The following ZNF622 variants were observed in gnomAD, a reference collection of about 807,000 sequenced individuals.
The protein encoded by ZNF622 is cytoplasmic 60S subunit biogenesis factor ZNF622.
ZNF622 carries 34 observed loss-of-function variants against 49.7 expected under a neutral mutation model. The observed-to-expected ratio is 0.68, with a 90% confidence interval of 0.52 to 0.91. The LOEUF is 0.91. Ranked by LOEUF, ZNF622 falls within the 40% of genes least tolerant of loss-of-function variation. ZNF622 has a pLI of 0.00. For synonymous variants in ZNF622, 209 were observed against 228.7 expected (o/e 0.91, Z 0.78); for missense variants, 569 against 616.4 (o/e 0.92, Z 0.81).
intron 3 of ZNF622, among the ~76,000 whole-genome samples, chr5:16,459,293 T>C (rs942465970): frequency 6.6e-6 from 1 of 151,920 alleles, no homozygotes; most frequent in Non-Finnish European, 1.5e-5. Context: ...AATAAGAAAA[T>C]AGACAAAATG....
chr5:16,451,756 C>T lies in ZNF622; in HGVS notation c.1335G>A (p.Met445Ile). Residue 445 changes from methionine to isoleucine, a missense_variant, in exon 6 of 6, where the codon ATG (methionine) becomes ATA (isoleucine). Coordinates refer to ENST00000308683, the MANE Select transcript of ZNF622 (RefSeq NM_033414.3). Reference protein sequence around the residue: ...TGAALMRERDMQYVQRMKSKW... With the variant: ...TGAALMRERDIQYVQRMKSKW... ...TTGATTTCATCCTTTGGACATACTG[C>T]ATGTCTCGCTCTCGCATAAGAGCCG... 1.2e-6 allele frequency: 2 copies of T among 1,613,996 alleles called. No individual in the cohort carries two copies. Among genetic ancestry groups the T allele is most frequent in the Non-Finnish European group, 1.7e-6 (2 of 1,179,978 alleles).
At position 16,463,309 on chromosome 5, in the gene ZNF622, T is replaced by C. The variant is rs1192101079; in HGVS notation, c.887-39A>G. Reference sequence around the variant, plus strand: ...TTAAGGAAAAAATATGAAAAAAGCTTTTTGCAACCAGATTAAATCTCACTA... The same window carrying C: ...TTAAGGAAAAAATATGAAAAAAGCTCTTTGCAACCAGATTAAATCTCACTA... On this transcript the variant is annotated intron_variant, in intron 2 of 5. Coordinates refer to ENST00000308683, the MANE Select transcript of ZNF622 (RefSeq NM_033414.3). This position sits in a 1 kb window ranked among gnomAD's most constrained non-coding sequence, Gnocchi z 4.2. The C allele has an allele frequency of 3.8e-6, 6 of 1,573,040 alleles. No homozygotes were observed. In the East Asian group the frequency reaches 1.3e-4, roughly 35 times the overall value.
At chr5:16,453,533 G>A (rs990468259) in intron 4 of ZNF622, among the ~76,000 whole-genome samples, 11 of 131,962 alleles carry the variant, frequency 8.3e-5, no homozygotes, top group South Asian at 2.4e-4. Context: ...GATTTTTAGC[G>A]TTTTATATAT....
intron 4 of ZNF622, among the ~76,000 whole-genome samples, chr5:16,457,264 C>G (rs948899197): frequency 9.9e-5 from 15 of 152,260 alleles, no homozygotes; most frequent in African/African-American, 3.6e-4. Flanking sequence ...TTGTCTTATT[C>G]AATTTACTTA....
At chr5:16,461,346 CAG>C (rs1230021672) in intron 3 of ZNF622, among the ~76,000 whole-genome samples, 1 of 152,210 alleles carries the variant, frequency 6.6e-6, no homozygotes, top group African/African-American at 2.4e-5. Context: ...AGAATCTGAG[CAG>C]AGTTTGACCT....
chr5:16,464,932 T>C (rs1738187898), intron 1 of ZNF622, 109 bp downstream of exon 1: 1 of 1,461,546 alleles, frequency 6.8e-7, no homozygotes. Flanking sequence ...TCATCATTTT[T>C]ACTTAAAAGC....
intron 4 of ZNF622, among the ~76,000 whole-genome samples, chr5:16,454,916 G>A (rs1738001068): frequency 6.6e-6 from 1 of 152,220 alleles, no homozygotes; most frequent in African/African-American, 2.4e-5. Context: ...GTTTAGAGAT[G>A]ACTAATTCCA....
At chr5:16,459,188 T>G (rs1281791829) in intron 3 of ZNF622, among the ~76,000 whole-genome samples, 1 of 152,218 alleles carries the variant, frequency 6.6e-6, no homozygotes, top group Non-Finnish European at 1.5e-5. Context: ...AATCTCTATA[T>G]TCCTAAAAAT....
In ZNF622 at chr5:16,453,143, AC is replaced by A; in HGVS notation, c.1175del (p.Gly392ValfsTer5). The A allele has an allele frequency of 6.6e-7, 1 of 1,515,922 alleles. No homozygotes were observed. The highest frequency in any genetic ancestry group is 8.9e-7 in the Non-Finnish European group (1 of 1,123,872). The allele number at this position is 1,515,922 out of a possible 1,614,324, so 93.9% of individuals were successfully genotyped here. ...TGTAGTATCTCATCAAGGAGCGATG[AC>A]CCACTCTGGCACCTGTTTTTCAAAA... ...ELILPSGARV[G>X]HRSLMRYYKQ... On this transcript the variant is annotated frameshift_variant, in exon 5 of 6. Coordinates refer to ENST00000308683, the MANE Select transcript of ZNF622 (RefSeq NM_033414.3). LOFTEE classifies it high-confidence loss of function.
chr5:16,453,222 G>A, intron 4 of ZNF622, 66 bp from the exon 5 acceptor site: 5 of 1,332,460 alleles, frequency 3.8e-6, no homozygotes, highest in Non-Finnish European at 3.9e-6. Flanking sequence ...GAGCTATAAA[G>A]CAAGGGCTTT....
chr5:16,458,369 C>G, intron 4 of ZNF622, 148 bp downstream of exon 4: 1 of 555,308 alleles, frequency 1.8e-6, no homozygotes, highest in Non-Finnish European at 3.1e-6. Context: ...GAGCAGCAAC[C>G]TTCAGGGTTT....
intron 4 of ZNF622, among the ~76,000 whole-genome samples, chr5:16,454,488 C>CAAAAAA (rs34774848): frequency 4.5e-5 from 3 of 66,706 alleles, no homozygotes; most frequent in Admixed American, 4.1e-4. Context: ...ACTCCGTCTC[C>CAAAAAA]AAAAAAAAAA....
chr5:16,453,863 C>T (rs1737978939), intron 4 of ZNF622, among the ~76,000 whole-genome samples: 1 of 151,870 alleles, frequency 6.6e-6, no homozygotes, highest in African/African-American at 2.4e-5. Context: ...GGACAGCCCC[C>T]CATAACAAAG....
chr5:16,464,909 A>C, intron 1 of ZNF622, 132 bp downstream of exon 1: 2 of 1,323,092 alleles, frequency 1.5e-6, no homozygotes, highest in Non-Finnish European at 2.1e-6. Context: ...GAAAGCGTCT[A>C]AACCACCTTC....
In ZNF622 at chr5:16,465,156, G is replaced by A. The variant is rs1738193669; in HGVS notation, c.510C>T (p.Asp170=). Residue 170 remains aspartate, a synonymous_variant, in exon 1 of 6, where the codon GAC becomes GAT. Coordinates refer to ENST00000308683, the MANE Select transcript of ZNF622 (RefSeq NM_033414.3). This position sits in a 1 kb window ranked among gnomAD's most constrained non-coding sequence, Gnocchi z 6.2. The part of the protein sequence containing the change: ...AVGTGGRGTH[D]RDPSEKPPRL... ...GGGGTGGTTTCTCACTCGGGTCTCG[G>A]TCGTGGGTCCCACGGCCACCAGTAC... 1.2e-6 allele frequency: 2 copies of A among 1,614,204 alleles called. No homozygotes were observed. Among genetic ancestry groups the A allele is most frequent in the Non-Finnish European group, 1.7e-6 (2 of 1,180,030 alleles).
chr5:16,454,432 G>A (rs1442975315), intron 4 of ZNF622, among the ~76,000 whole-genome samples: 1 of 135,280 alleles, frequency 7.4e-6, no homozygotes, highest in African/African-American at 2.8e-5. Context: ...AGCTTGCGGT[G>A]AGCCAAGATC....
chr5:16,465,649 C>A lies in ZNF622; in HGVS notation c.17G>T (p.Cys6Phe). Residue 6 changes from cysteine (C) to phenylalanine (F), a missense_variant, in exon 1 of 6, where the codon TGC becomes TTC. Physicochemically the swap from Cys to Phe is radical, Grantham distance 205 (BLOSUM62 -2). Transcript: ENST00000308683. This position sits in a 1 kb window ranked among gnomAD's most constrained non-coding sequence, Gnocchi z 6.2. Reference sequence around the variant, plus strand: ...GCGGAACGCCACCCGGCAAGTTATGCAGGTGTACGTCGCCATTGCCAGGCG... The same window carrying A: ...GCGGAACGCCACCCGGCAAGTTATGAAGGTGTACGTCGCCATTGCCAGGCG... MATYT[C>F]ITCRVAFRDA... 6.3e-7 allele frequency: 1 copy of A among 1,586,662 alleles called. No individual in the cohort carries two copies.
At position 16,463,678 on chromosome 5, in the gene ZNF622, C is replaced by G; in HGVS notation, c.690G>C (p.Val230=). 3 of 1,614,242 alleles carry G rather than the reference C, an allele frequency of 1.9e-6. No homozygotes were observed. The highest frequency in any genetic ancestry group is 2.5e-6 in the Non-Finnish European group (3 of 1,180,044). ...ECEDTEAMDD[V]VEQDAEEEEA... is the part of the protein sequence containing the mutation. ...CTTCCTCCTCTGCATCCTGCTCCAC[C>G]ACATCGTCCATTGCTTCAGTATCCT... is the stretch of plus-strand genomic sequence containing the variant. Residue 230 remains valine, a synonymous_variant, in exon 2 of 6, where the codon GTG becomes GTC. Transcript: ENST00000308683. This position sits in a 1 kb window ranked among gnomAD's most constrained non-coding sequence, Gnocchi z 4.2.
In ZNF622 at chr5:16,463,693, T is replaced by G; in HGVS notation, c.675A>C (p.Glu225Asp). The G allele has an allele frequency of 6.2e-7, 1 of 1,614,232 alleles. No homozygotes were observed. Among genetic ancestry groups the G allele is most frequent in the East Asian group, 2.2e-5 (1 of 44,884 alleles). ...CCTGCTCCACCACATCGTCCATTGC[T>G]TCAGTATCCTCACATTCCAATTCTT... ...SDEELECEDT[E>D]AMDDVVEQDA... The change falls in exon 2 of 6, where the codon GAA becomes GAC. Residue 225 changes from glutamate to aspartate, a missense_variant. Transcript: ENST00000308683. The surrounding 1 kb of genome is among the most constrained non-coding windows in gnomAD (Gnocchi z 4.2).
Sources: gnomAD v4.1 joint callset for allele counts (sites outside exome capture counted in the v4.1 genomes callset) on GRCh38, gnomAD v4.1.1 for gene constraint, Gnocchi (gnomAD v3.1) non-coding constraint, MANE v1.5 for transcripts, NCBI Gene and HGNC (gene_info 2026-07-23, HGNC 2026-07-21) for gene names.